PAK2: variants seen among roughly 807,000 people sequenced by gnomAD.
PAK2 encodes the protein p21 (RAC1) activated kinase 2.
PAK2 carries 21 observed loss-of-function variants against 65.9 expected under a neutral mutation model. That is an observed-to-expected ratio of 0.32 (90% confidence interval 0.23 to 0.46). The LOEUF is 0.46. PAK2 is among the 20% of genes least tolerant of loss of function. The pLI, the probability that PAK2 is intolerant of heterozygous loss-of-function variation, is 1.00. For missense variants in PAK2, 324 were observed against 642.6 expected (o/e 0.50, Z 5.36); for synonymous variants, 204 against 219.7 (o/e 0.93, Z 0.63).
intron 9 of PAK2, 147 bp from the exon 10 acceptor site, chr3:196,812,592 C>CA: frequency 1.7e-6 from 1 of 598,196 alleles, no homozygotes; most frequent in South Asian, 2.1e-5. Context: ...GCATTGTGCA[C>CA]AGGCAGTGTG....
intron 1 of PAK2, among the ~76,000 whole-genome samples, chr3:196,781,901 C>A (rs886561336): frequency 6.6e-6 from 1 of 152,112 alleles, no homozygotes; most frequent in Non-Finnish European, 1.5e-5. Flanking sequence ...TTCAGGAGTT[C>A]GAGACCAGCC....
At chr3:196,742,769 T>C (rs1022452292) in intron 1 of PAK2, among the ~76,000 whole-genome samples, 10 of 152,140 alleles carry the variant, frequency 6.6e-5, no homozygotes, top group Admixed American at 5.9e-4. Flanking sequence ...AACAAAAAAT[T>C]AGCCGGGCTT....
chr3:196,811,365 T>C (rs1577740671), intron 8 of PAK2, among the ~76,000 whole-genome samples: 1 of 117,074 alleles, frequency 8.5e-6, no homozygotes, highest in Non-Finnish European at 1.7e-5. Context: ...CTCCCTTCCC[T>C]TCCTTCTCTT....
Position 196,801,941 on chromosome 3 carries a change from GA to G in PAK2, c.206del (p.Lys69ArgfsTer46). 1.9e-6 allele frequency: 3 copies of G among 1,599,846 alleles called. No homozygotes were observed. The highest frequency in any genetic ancestry group is 2.6e-6 in the Non-Finnish European group (3 of 1,167,144). On this transcript the variant is annotated frameshift_variant, in exon 3 of 15. Coordinates refer to ENST00000327134, the MANE Select transcript of PAK2 (RefSeq NM_002577.4). LOFTEE classifies it high-confidence loss of function. Reference protein sequence around the residue: ...SGTEKGSKKKEKERPEISPPS... With the variant: ...SGTEKGSKKKXKERPEISPPS... ...ATGCCCCCTAGGAAGTAAAAAGAAA[GA>G]AAAGGAACGGCCAGAAATTTCTCCT...
intron 2 of PAK2, among the ~76,000 whole-genome samples, chr3:196,792,894 G>A (rs1305135859): frequency 6.6e-6 from 1 of 152,098 alleles, no homozygotes; most frequent in Non-Finnish European, 1.5e-5. Context: ...CATTTGGAAG[G>A]CAGAAGTGGT....
chr3:196,812,404 C>G (rs971455543), intron 9 of PAK2, 137 bp downstream of exon 9: 7 of 660,616 alleles, frequency 1.1e-5, no homozygotes, highest in Non-Finnish European at 1.9e-5. Flanking sequence ...ATGTTTATAG[C>G]ACTTCTGTCA....
intron 11 of PAK2, among the ~76,000 whole-genome samples, chr3:196,816,749 T>TA: frequency 6.6e-6 from 1 of 152,192 alleles, no homozygotes; most frequent in Middle Eastern, 3.2e-3. Flanking sequence ...ACAGCTAACT[T>TA]ACACCCGTAG....
chr3:196,811,214 TC>T (rs1560113544), intron 8 of PAK2, among the ~76,000 whole-genome samples: 3,027 of 26,652 alleles, frequency 0.11, 723 homozygotes, highest in African/African-American at 0.25. Flanking sequence ...TTCCTTCCCT[TC>T]CCTCCCTCCC....
chr3:196,805,803 A>G lies in PAK2; in HGVS notation c.468+420A>G, dbSNP rs75603220. ...GAAACTTAAGTTATCGCATAAACAC[A>G]GTCAGTTTTTGGAAACAGTCGTTTT... On this transcript the variant is annotated intron_variant, in intron 5 of 14. Transcript: ENST00000327134. Among the ~76,000 whole-genome samples the G allele has an allele frequency of 2.3e-3, 350 of 152,110 alleles. 13 individuals are homozygous for G. The East Asian group carries it at 0.062, about 27-fold the overall frequency.
chr3:196,822,263 GC>G (rs1257138716), intron 13 of PAK2, among the ~76,000 whole-genome samples: 3 of 152,184 alleles, frequency 2.0e-5, no homozygotes, highest in Non-Finnish European at 2.9e-5. Flanking sequence ...AAAAATTCCT[GC>G]TCTTACAGAA....
At chr3:196,792,103 C>T (rs191914254) in intron 2 of PAK2, among the ~76,000 whole-genome samples, 7 of 152,160 alleles carry the variant, frequency 4.6e-5, no homozygotes, top group Admixed American at 1.3e-4. Context: ...GTGCCCACCT[C>T]GGACCAGTCA....
chr3:196,823,588 G>A (rs751799019), intron 13 of PAK2, among the ~76,000 whole-genome samples: 4 of 151,580 alleles, frequency 2.6e-5, no homozygotes, highest in African/African-American at 4.8e-5. Context: ...ACCTTGGGCC[G>A]GGCACGGTGG....
rs1715594631 is a variant in PAK2 at position 196,806,654 on chromosome 3, G to A, written c.544G>A (p.Val182Ile). 1.2e-5 allele frequency: 19 copies of A among 1,611,230 alleles called. No individual in the cohort carries two copies. The highest frequency in any genetic ancestry group is 1.6e-4 in the Middle Eastern group (1 of 6,070). The part of the protein sequence containing the change: ...EDDDEETAPP[V>I]IAPRPDHTKS... The stretch of plus-strand genomic sequence containing the variant: ...TGATGATGAAGAGACTGCTCCTCCC[G>A]TTATTGCCCCGCGACCGGATCATAC... The change falls in exon 6 of 15, where the codon GTT becomes ATT. Residue 182 changes from valine (V) to isoleucine (I), a missense_variant. This residue lies in a region of PAK2 where 183 missense variants were observed against 246.2 expected (regional missense o/e 0.74). Transcript: ENST00000327134.
At chr3:196,798,670 G>A (rs1160078557) in intron 2 of PAK2, among the ~76,000 whole-genome samples, 1 of 152,152 alleles carries the variant, frequency 6.6e-6, no homozygotes. Context: ...CAAGATTTTA[G>A]CAGTTGGAAT....
intron 7 of PAK2, among the ~76,000 whole-genome samples, chr3:196,809,348 C>CTTTTTT (rs758343803): frequency 1.1e-5 from 1 of 90,716 alleles, no homozygotes. Context: ...TTATTATTAT[C>CTTTTTT]TTTTTTTTTT....
intron 13 of PAK2, among the ~76,000 whole-genome samples, chr3:196,823,632 G>A (rs867491751): frequency 6.6e-6 from 1 of 151,852 alleles, no homozygotes; most frequent in Non-Finnish European, 1.5e-5. Context: ...TTGGGAGGCC[G>A]AGGTGGGCAG....
intron 14 of PAK2, 25 bp downstream of exon 14, chr3:196,827,358 G>T (rs1299076025): frequency 6.3e-7 from 1 of 1,591,606 alleles, no homozygotes; most frequent in African/African-American, 1.4e-5. Context: ...GATTTCATTT[G>T]GGGGAATAGT....
Position 196,769,271 on chromosome 3 carries a change from C to T in PAK2, c.-21-13355C>T, listed in dbSNP as rs536809866. Among the ~76,000 whole-genome samples the T allele has an allele frequency of 2.7e-4, 41 of 151,756 alleles. 1 individual carries two copies. Among genetic ancestry groups the T allele is most frequent in the Admixed American group, 3.3e-4 (5 of 15,246 alleles). On this transcript the variant is annotated intron_variant, in intron 1 of 14. Transcript: ENST00000327134. ...AGCCCAGGAGGTTGCTGCAGTGAGCCGTTATTGCACCACTGCACTCCTGCT... is the reference window on the plus strand; with the variant it reads ...AGCCCAGGAGGTTGCTGCAGTGAGCTGTTATTGCACCACTGCACTCCTGCT...
chr3:196,788,488 C>T (rs1035274444), intron 2 of PAK2, among the ~76,000 whole-genome samples: 1 of 152,110 alleles, frequency 6.6e-6, no homozygotes, highest in African/African-American at 2.4e-5. Flanking sequence ...TGGATCGTGC[C>T]GTTTTAAGGC....
Sources: gnomAD v4.1 joint callset for allele counts (sites outside exome capture counted in the v4.1 genomes callset) on GRCh38, gnomAD v4.1.1 for gene constraint, gnomAD v4.1.1 regional missense constraint, MANE v1.5 for transcripts, NCBI Gene and HGNC (gene_info 2026-07-23, HGNC 2026-07-21) for gene names.